The following PCDHGA12 variants were observed in gnomAD, a reference collection of about 807,000 sequenced individuals.
PCDHGA12 encodes protocadherin gamma subfamily A, 12, also known as protocadherin gamma-A12.
A neutral mutation model predicts 61.1 loss-of-function variants in PCDHGA12; 43 were observed. The ratio of observed to expected loss-of-function variants is 0.70; its 90% CI spans 0.55 to 0.91. The LOEUF (loss-of-function observed/expected upper bound fraction) is 0.91. Ranked by LOEUF, PCDHGA12 falls within the 40% of genes least tolerant of loss-of-function variation. The pLI is 0.00. For synonymous variants in PCDHGA12, 520 were observed against 542.9 expected, an observed-to-expected ratio of 0.96 and a Z score of 0.59; for missense variants, 1,236 against 1,227.7, an observed-to-expected ratio of 1.01 and a Z score of -0.10.
rs200064261 is a variant in PCDHGA12, at chr5:141,487,515, G to A, written c.2425-7292G>A. 3.7e-5 allele frequency: 59 copies of A among 1,614,018 alleles called. No homozygotes were observed. The highest frequency in any genetic ancestry group is 8.8e-5 in the South Asian group (8 of 91,086). On this transcript the variant is annotated intron_variant, in intron 1 of 3. Coordinates refer to ENST00000252085, the MANE Select transcript of PCDHGA12 (RefSeq NM_003735.3). The surrounding 1 kb of genome is among the most constrained non-coding windows in gnomAD (Gnocchi z 5.0). Reference sequence around the variant, plus strand: ...ACACCCTTGGCTTCTGCACCCACTCGGAGTGATAGCTTCATGATGGTGAAG... The same window carrying A: ...ACACCCTTGGCTTCTGCACCCACTCAGAGTGATAGCTTCATGATGGTGAAG...
At chr5:141,454,824 T>C (rs1231148585) in intron 1 of PCDHGA12, among the ~76,000 whole-genome samples, 1 of 127,218 alleles carries the variant, frequency 7.9e-6, no homozygotes, top group African/African-American at 3.3e-5. Flanking sequence ...TTTTTTTTTT[T>C]TGAGACAGAG....
At chr5:141,436,074 G>A (rs1048063491) in intron 1 of PCDHGA12, among the ~76,000 whole-genome samples, 3 of 152,058 alleles carry the variant, frequency 2.0e-5, no homozygotes, top group Non-Finnish European at 4.4e-5. Context: ...TAAGTACAGT[G>A]TTCTATAGGT....
At chr5:141,495,771 C>T (rs941051365) in intron 2 of PCDHGA12, among the ~76,000 whole-genome samples, 1 of 152,110 alleles carries the variant, frequency 6.6e-6, no homozygotes, top group Non-Finnish European at 1.5e-5. Flanking sequence ...TGTCCTTGTC[C>T]TGGACCTCTT....
At position 141,432,781 on chromosome 5, in the gene PCDHGA12, C is replaced by T. The variant is rs761954375; in HGVS notation, c.2022C>T (p.Asp674=). Residue 674 remains aspartate, a synonymous_variant, in exon 1 of 4, where the codon GAC becomes GAT. Coordinates refer to ENST00000252085, the MANE Select transcript of PCDHGA12 (RefSeq NM_003735.3). This position sits in a 1 kb window ranked among gnomAD's most constrained non-coding sequence, Gnocchi z 6.0. The part of the protein sequence containing the change: ...VADSIPQVLA[D]LGSLESPANS... ...ACAGCATCCCCCAAGTCCTGGCGGA[C>T]CTCGGCAGCCTCGAGTCTCCAGCTA... The T allele has an allele frequency of 3.1e-6, 5 of 1,614,064 alleles. No homozygotes were observed. The Admixed American group carries it at 8.3e-5, about 27-fold the overall frequency.
At chr5:141,457,791 A>G (rs554446263) in intron 1 of PCDHGA12, among the ~76,000 whole-genome samples, 1 of 152,318 alleles carries the variant, frequency 6.6e-6, no homozygotes, top group South Asian at 2.1e-4. Flanking sequence ...GAGTTGGGTT[A>G]TCCTCTCCTC....
At chr5:141,450,551 G>T (rs2098684306) in intron 1 of PCDHGA12, among the ~76,000 whole-genome samples, 1 of 150,822 alleles carries the variant, frequency 6.6e-6, no homozygotes, top group Admixed American at 6.6e-5. Flanking sequence ...CAGTGGCGCA[G>T]TCTCGGCTCA....
intron 1 of PCDHGA12, chr5:141,478,633 T>C: frequency 6.4e-7 from 1 of 1,553,032 alleles, no homozygotes; most frequent in Non-Finnish European, 8.7e-7. Context: ...GTTTTTTTAG[T>C]GATGAAGATG....
At position 141,487,493 on chromosome 5, in the gene PCDHGA12, C is replaced by A. The variant is rs1372433097; in HGVS notation, c.2425-7314C>A. 5.6e-6 allele frequency: 9 copies of A among 1,614,050 alleles called. No individual in the cohort carries two copies. The highest frequency in any genetic ancestry group is 6.8e-6 in the Non-Finnish European group (8 of 1,180,034). On this transcript the variant is annotated intron_variant, in intron 1 of 3. Coordinates refer to ENST00000252085, the MANE Select transcript of PCDHGA12 (RefSeq NM_003735.3). This position sits in a 1 kb window ranked among gnomAD's most constrained non-coding sequence, Gnocchi z 5.0. ...GGGAGGCCACTCTCATGGCTGTACACCCTTGGCTTCTGCACCCACTCGGAG... is the reference window on the plus strand; with the variant it reads ...GGGAGGCCACTCTCATGGCTGTACAACCTTGGCTTCTGCACCCACTCGGAG...
intron 1 of PCDHGA12, 175 bp downstream of exon 1, chr5:141,433,358 C>CCCAT (rs1554125967): frequency 7.1e-5 from 36 of 503,934 alleles, no homozygotes; most frequent in African/African-American, 1.2e-4. Flanking sequence ...CTACTGTCTG[C>CCCAT]CTATCTATCT....
chr5:141,497,148 A>G (rs1436451953), intron 2 of PCDHGA12, among the ~76,000 whole-genome samples: 1 of 152,122 alleles, frequency 6.6e-6, no homozygotes, highest in Non-Finnish European at 1.5e-5. Context: ...ATCACGAAAA[A>G]AAAATAATCT....
At chr5:141,433,691 G>A (rs2097644575) in intron 1 of PCDHGA12, among the ~76,000 whole-genome samples, 1 of 152,044 alleles carries the variant, frequency 6.6e-6, no homozygotes, top group Non-Finnish European at 1.5e-5. Flanking sequence ...TACAAAATTA[G>A]CCGGGCGTGG....
rs766387243 is a variant in PCDHGA12 at position 141,489,017 on chromosome 5, TCTC to T, written c.2425-5782_2425-5780del. The stretch of plus-strand genomic sequence containing the variant: ...GGGAGATCTGCTCTTCCAGCCCGCC[TCTC>T]CTCCTCCAGCTCCCCAGCTCCACTC... On this transcript the variant is annotated intron_variant, in intron 1 of 3. Transcript: ENST00000252085. This position sits in a 1 kb window ranked among gnomAD's most constrained non-coding sequence, Gnocchi z 4.5. 2 of 435,354 alleles carry T rather than the reference TCTC, an allele frequency of 4.6e-6. No individual in the cohort carries two copies. Among genetic ancestry groups the T allele is most frequent in the Non-Finnish European group, 8.1e-6 (2 of 247,876 alleles). The allele number at this position is 435,354 out of a possible 1,614,324, so 27.0% of individuals were successfully genotyped here. A position where few individuals can be genotyped will look rare whatever the true frequency, so the allele number is the denominator to read the frequency against.
At chr5:141,479,328 G>C (rs568506786) in intron 1 of PCDHGA12, 3 of 152,536 alleles carry the variant, frequency 2.0e-5, no homozygotes, top group African/African-American at 7.2e-5. Context: ...CAGACTCAGT[G>C]GTGTGCACCT....
At chr5:141,458,100 A>AT (rs2098937418) in intron 1 of PCDHGA12, among the ~76,000 whole-genome samples, 1 of 152,252 alleles carries the variant, frequency 6.6e-6, no homozygotes, top group Non-Finnish European at 1.5e-5. Context: ...GAGTACTTAC[A>AT]GATAGTCTCC....
intron 1 of PCDHGA12, among the ~76,000 whole-genome samples, chr5:141,438,615 T>C (rs566173071): frequency 5.6e-5 from 2 of 35,920 alleles, no homozygotes; most frequent in Admixed American, 4.1e-4. Flanking sequence ...TATATATATA[T>C]ATATATATAT....
intron 1 of PCDHGA12, among the ~76,000 whole-genome samples, chr5:141,445,948 G>A (rs538607380): frequency 6.6e-6 from 1 of 152,236 alleles, no homozygotes; most frequent in South Asian, 2.1e-4. Flanking sequence ...GCTTACTCTG[G>A]CTGCTATATG....
intron 2 of PCDHGA12, among the ~76,000 whole-genome samples, chr5:141,499,686 T>G (rs1400567357): frequency 1.3e-5 from 2 of 149,346 alleles, no homozygotes; most frequent in Non-Finnish European, 3.0e-5. Flanking sequence ...CTTTAACAGA[T>G]GACTTTTTTT....
At chr5:141,438,591 CATAT>C (rs946798767) in intron 1 of PCDHGA12, among the ~76,000 whole-genome samples, 213 of 75,464 alleles carry the variant, frequency 2.8e-3, no homozygotes, top group African/African-American at 5.5e-3. Flanking sequence ...TACATACATA[CATAT>C]ATATATATAT....
In PCDHGA12 at chr5:141,432,002, G is replaced by T; in HGVS notation, c.1243G>T (p.Val415Phe). The T allele has an allele frequency of 6.2e-7, 1 of 1,614,186 alleles. No homozygotes were observed. The highest frequency in any genetic ancestry group is 1.1e-5 in the South Asian group (1 of 91,090). ...VTDIVLDREQ[V>F]PSYNITVTAT... is the part of the protein sequence containing the mutation. ...AGACATAGTCTTGGATAGGGAACAGGTTCCTAGCTACAACATCACAGTGAC... is the reference window on the plus strand; with the variant it reads ...AGACATAGTCTTGGATAGGGAACAGTTTCCTAGCTACAACATCACAGTGAC... Residue 415 changes from valine (V) to phenylalanine (F), a missense_variant, in exon 1 of 4, where the codon GTT becomes TTT. Coordinates refer to ENST00000252085, the MANE Select transcript of PCDHGA12 (RefSeq NM_003735.3). The surrounding 1 kb of genome is among the most constrained non-coding windows in gnomAD (Gnocchi z 6.0).
Sources: gnomAD v4.1 joint callset for allele counts (sites outside exome capture counted in the v4.1 genomes callset) on GRCh38, gnomAD v4.1.1 for gene constraint, Gnocchi (gnomAD v3.1) non-coding constraint, MANE v1.5 for transcripts, NCBI Gene and HGNC (gene_info 2026-07-23, HGNC 2026-07-21) for gene names.